The following C5 variants were observed in gnomAD, a reference collection of about 807,000 sequenced individuals.
The protein encoded by C5 is complement C5, also known as C3 and PZP-like alpha-2-macroglobulin domain-containing protein 4.
A neutral mutation model predicts 218.8 loss-of-function variants in C5; 140 were observed. The observed-to-expected ratio is 0.64, with a 90% CI of 0.56 to 0.74. The LOEUF is 0.74. C5 is among the 30% of genes least tolerant of loss of function. The probability of loss-of-function intolerance (pLI) is 0.00; values close to 1 mark genes in which losing one functional copy is unlikely to be tolerated. For missense variants in C5, 1,700 were observed against 1,969.6 expected (o/e 0.86, Z 2.59); for synonymous variants, 614 against 682.3 (o/e 0.90, Z 1.56).
chr9:121,059,995 TTAAGG>T, the C5 span, among the ~76,000 whole-genome samples: 2 of 152,228 alleles, frequency 1.3e-5, no homozygotes, highest in Non-Finnish European at 2.9e-5. This position sits in a 1 kb window ranked among gnomAD's most constrained non-coding sequence, Gnocchi z 4.1. Flanking sequence ...GGGCAGATAA[TTAAGG>T]TGTGTTGTTA....
intron 1 of C5, 134 bp from the exon 2 acceptor site, chr9:121,046,517 G>A: frequency 1.5e-6 from 1 of 666,426 alleles, no homozygotes; most frequent in Non-Finnish European, 2.7e-6. Context: ...ATACTAATAA[G>A]TCAAAATGTA....
chr9:121,000,836 T>G (rs1587970462), intron 20 of C5, among the ~76,000 whole-genome samples: 1 of 152,166 alleles, frequency 6.6e-6, no homozygotes, highest in East Asian at 1.9e-4. Context: ...TCTCTCACCC[T>G]CCACCCTCAA....
chr9:120,958,803 T>C (rs1037947060), intron 38 of C5, among the ~76,000 whole-genome samples: 1 of 152,114 alleles, frequency 6.6e-6, no homozygotes, highest in African/African-American at 2.4e-5. Context: ...AATACTCTGT[T>C]ACATTTTTTT....
the C5 span, among the ~76,000 whole-genome samples, chr9:121,070,155 C>T: frequency 2.0e-5 from 3 of 151,766 alleles, no homozygotes; most frequent in African/African-American, 4.8e-5. Context: ...GTCAGGAGTT[C>T]GAGACTAGCC....
intron 18 of C5, among the ~76,000 whole-genome samples, chr9:121,007,582 T>A (rs2047226155): frequency 6.6e-6 from 1 of 152,246 alleles, no homozygotes; most frequent in Admixed American, 6.5e-5. Flanking sequence ...AACACATTTA[T>A]TTTCAGTATC....
intron 4 of C5, among the ~76,000 whole-genome samples, chr9:121,035,568 C>T (rs561846529): frequency 6.6e-6 from 1 of 152,176 alleles, no homozygotes; most frequent in East Asian, 1.9e-4. Context: ...AGGCCCCTAT[C>T]TGTACAAAAA....
At chr9:121,025,704 A>T in intron 8 of C5, 124 bp from the exon 9 acceptor site, 1 of 896,932 alleles carries the variant, frequency 1.1e-6, no homozygotes, top group Non-Finnish European at 1.8e-6. Context: ...TTAGTGTCAA[A>T]AGTAAAGTAG....
At chr9:120,986,216 G>T (rs963838334) in intron 25 of C5, among the ~76,000 whole-genome samples, 7 of 151,872 alleles carry the variant, frequency 4.6e-5, no homozygotes, top group African/African-American at 1.7e-4. Context: ...ACAGCTATAT[G>T]ATTTCATGTA....
At chr9:120,982,320 G>GT (rs1479392609) in intron 26 of C5, among the ~76,000 whole-genome samples, 3 of 152,138 alleles carry the variant, frequency 2.0e-5, no homozygotes, top group Admixed American at 6.5e-5. Flanking sequence ...TCTACTCTGT[G>GT]TTTTAAGCCT....
the C5 span, among the ~76,000 whole-genome samples, chr9:121,072,919 C>T: frequency 6.6e-6 from 1 of 151,570 alleles, no homozygotes; most frequent in Non-Finnish European, 1.5e-5. Context: ...CGTTCTGTGT[C>T]GTGTAAATAG....
chr9:121,046,354 C>G lies in C5; in HGVS notation c.95G>C (p.Arg32Pro). 1.9e-6 allele frequency: 3 copies of G among 1,612,138 alleles called. No homozygotes were observed. The highest frequency in any genetic ancestry group is 2.5e-6 in the Non-Finnish European group (3 of 1,178,590). The stretch of plus-strand genomic sequence containing the variant: ...CACAATATTTTCAGATGCTCCAACA[C>G]GGAATATTTTTGGTGCTGAAATGAC... ...TYVISAPKIF[R>P]VGASENIVIQ... is the part of the protein sequence containing the mutation. The change falls in exon 2 of 41, where the codon CGT (arginine) becomes CCT (proline). Residue 32 changes from arginine (R) to proline (P), a missense_variant. Arg to Pro is a moderately radical substitution (Grantham distance 103). Coordinates refer to ENST00000223642, the MANE Select transcript of C5 (RefSeq NM_001735.3).
intron 26 of C5, among the ~76,000 whole-genome samples, chr9:120,982,256 C>G (rs41311905): frequency 6.6e-6 from 1 of 152,208 alleles, no homozygotes; most frequent in Non-Finnish European, 1.5e-5. Context: ...ATGATCCGCC[C>G]GCCTTGGCCT....
the C5 span, among the ~76,000 whole-genome samples, chr9:121,073,380 G>A: frequency 3.9e-5 from 6 of 152,154 alleles, no homozygotes; most frequent in African/African-American, 1.4e-4. Flanking sequence ...GGCGTAGAAA[G>A]AAGTATTGCT....
At chr9:121,052,053 G>A (rs1202818808), upstream of C5, among the ~76,000 whole-genome samples, 1 of 152,148 alleles carries the variant, frequency 6.6e-6, no homozygotes, top group Non-Finnish European at 1.5e-5. Context: ...AAAACATTTA[G>A]AGAATGATGG....
rs2047073740 is a variant in C5, at chr9:120,991,110, A to G, written c.2941+81T>C. The stretch of plus-strand genomic sequence containing the variant: ...TGCTACTGAACACGGAAGTGGAGAA[A>G]CAGAATAATCATGAGGATATTTGAT... On this transcript the variant is annotated intron_variant, in intron 23 of 40. Coordinates refer to ENST00000223642, the MANE Select transcript of C5 (RefSeq NM_001735.3). The G allele has an allele frequency of 3.3e-6, 3 of 901,070 alleles. No homozygotes were observed. In the South Asian group the frequency reaches 4.0e-5, roughly 12 times the overall value. The allele number at this position is 901,070 out of a possible 1,614,324, so 55.8% of individuals were successfully genotyped here.
chr9:120,956,379 T>G (rs2046784903), intron 39 of C5, among the ~76,000 whole-genome samples: 1 of 151,976 alleles, frequency 6.6e-6, no homozygotes, highest in Admixed American at 6.6e-5. Flanking sequence ...GTGAATGATC[T>G]CTACAATGAG....
chr9:120,975,648 C>G (rs530226487), intron 29 of C5, among the ~76,000 whole-genome samples: 3 of 152,198 alleles, frequency 2.0e-5, no homozygotes, highest in Admixed American at 1.3e-4. Flanking sequence ...CAACCCTCCA[C>G]TCTGCCTTCT....
At chr9:120,993,807 A>G (rs772894760) in intron 22 of C5, among the ~76,000 whole-genome samples, 28 of 152,228 alleles carry the variant, frequency 1.8e-4, no homozygotes, top group Non-Finnish European at 3.1e-4. Flanking sequence ...TACATAGATT[A>G]AAGAGGTACA....
intron 33 of C5, 68 bp downstream of exon 33, chr9:120,968,993 A>G (rs2046889659): frequency 2.2e-6 from 3 of 1,342,368 alleles, no homozygotes; most frequent in Non-Finnish European, 3.2e-6. Flanking sequence ...GAAAATATGT[A>G]AAGAAACAAT....
Sources: gnomAD v4.1 joint callset for allele counts (sites outside exome capture counted in the v4.1 genomes callset) on GRCh38, gnomAD v4.1.1 for gene constraint, Gnocchi (gnomAD v3.1) non-coding constraint, MANE v1.5 for transcripts, NCBI Gene and HGNC (gene_info 2026-07-23, HGNC 2026-07-21) for gene names.